Variants in BAHD1 observed in about 807,000 individuals in gnomAD.
BAHD1 encodes bromo adjacent homology domain containing 1, also known as bromo adjacent homology domain-containing 1 protein.
Under a neutral mutation model 63.1 loss-of-function variants are expected in BAHD1, and 20 were observed. That is an observed-to-expected ratio of 0.32 (90% CI 0.22 to 0.46). The LOEUF is 0.46. Among genes scored for constraint, BAHD1 ranks in the 20% least tolerant of loss-of-function variants. The pLI is 1.00. For synonymous variants in BAHD1, 408 were observed against 426.8 expected (o/e 0.96, Z 0.54); for missense variants, 939 against 1,071.8 (o/e 0.88, Z 1.73).
At position 40,459,024 on chromosome 15, in the gene BAHD1, C is replaced by A; in HGVS notation, c.560C>A (p.Pro187Gln). The change falls in exon 2 of 7, where the codon CCA becomes CAA. Residue 187 changes from proline (P) to glutamine (Q), a missense_variant. Transcript: ENST00000416165. ...GGGSRDLSPEPAPDEGPRRDG... is the reference protein window; with the variant it reads ...GGGSRDLSPEQAPDEGPRRDG... Reference sequence around the variant, plus strand: ...GGAAGTCGGGACCTGTCTCCAGAGCCAGCACCCGATGAAGGTCCCCGCCGA... The same window carrying A: ...GGAAGTCGGGACCTGTCTCCAGAGCAAGCACCCGATGAAGGTCCCCGCCGA... The A allele has an allele frequency of 6.3e-7, 1 of 1,596,550 alleles. No homozygotes were observed. The highest frequency in any genetic ancestry group is 8.5e-7 in the Non-Finnish European group (1 of 1,169,988).
chr15:40,461,064 A>G lies in BAHD1; in HGVS notation c.1433-848A>G, dbSNP rs552815565. On this transcript the variant is annotated intron_variant, in intron 2 of 6. Transcript: ENST00000416165. ...AATTGAGCACAGACTCCGAAGCCAG[A>G]CTGCCTGGAGTGAAATGTTCTCCCC... 3.9e-5 allele frequency among the ~76,000 whole-genome samples: 6 copies of G among 152,272 alleles called. No homozygotes were observed. In the East Asian group the frequency reaches 5.8e-4, roughly 15 times the overall value.
chr15:40,464,163 GTC>G lies in BAHD1; in HGVS notation c.1975+149_1975+150del, dbSNP rs1002897614. On this transcript the variant is annotated intron_variant, in intron 4 of 6. Coordinates refer to ENST00000416165, the MANE Select transcript of BAHD1 (RefSeq NM_014952.5). Reference sequence around the variant, plus strand: ...AGAGTCTGCCTTCCACTCGGCTGGGGTCTCTCTGCTGCCGAGGGCTGTGGGTG... The same window carrying G: ...AGAGTCTGCCTTCCACTCGGCTGGGGTCTCTGCTGCCGAGGGCTGTGGGTG... 24 of 1,024,244 alleles carry G rather than the reference GTC, an allele frequency of 2.3e-5. No individual in the cohort carries two copies. In the Admixed American group the frequency reaches 6.2e-4, roughly 27 times the overall value. 63.4% of individuals were successfully genotyped at this position (1,024,244 alleles called of 1,614,324 possible).
chr15:40,449,437 A>C lies in BAHD1; in HGVS notation c.-15+8169A>C, dbSNP rs568786692. 2.8e-4 allele frequency among the ~76,000 whole-genome samples: 43 copies of C among 152,140 alleles called. 1 individual carries two copies. The East Asian group carries it at 8.3e-3, about 29-fold the overall frequency. ...TCTGTAGTACTACATTCACTTGCTT[A>C]ATGGTTTAGGGGCAGCCACAGCCAG... On this transcript the variant is annotated intron_variant, in intron 1 of 6. Transcript: ENST00000416165.
At chr15:40,451,301 G>A (rs921971483) in intron 1 of BAHD1, among the ~76,000 whole-genome samples, 18 of 152,222 alleles carry the variant, frequency 1.2e-4, no homozygotes, top group Non-Finnish European at 5.9e-5. Flanking sequence ...CCCTCAGTAA[G>A]TGTCTAAATG....
intron 1 of BAHD1, among the ~76,000 whole-genome samples, chr15:40,447,560 GAATAAATAAATA>G (rs145969802): frequency 0.058 from 8,026 of 138,756 alleles, 483 homozygotes; most frequent in African/African-American, 0.15. Flanking sequence ...TCTGTCTCCA[GAATAAATAAATA>G]AATAAATAAA....
chr15:40,451,145 CAAAAAAAA>C lies in BAHD1; in HGVS notation c.-14-7286_-14-7279del, dbSNP rs397827665. Among the ~76,000 whole-genome samples, 8 of 30,626 alleles carry C rather than the reference CAAAAAAAA, an allele frequency of 2.6e-4. 1 individual carries two copies. Among genetic ancestry groups the C allele is most frequent in the African/African-American group, 3.9e-4 (5 of 12,916 alleles). 20.1% of individuals were successfully genotyped at this position (30,626 alleles called of 152,430 possible). ...GGCAACAAGAGCATAAACTCCATCT[CAAAAAAAA>C]AAAAAAAAAAAAAAAAAAACTTTAG... On this transcript the variant is annotated intron_variant, in intron 1 of 6. Transcript: ENST00000416165.
chr15:40,450,571 T>C (rs1177708776), intron 1 of BAHD1, among the ~76,000 whole-genome samples: 1 of 152,236 alleles, frequency 6.6e-6, no homozygotes, highest in African/African-American at 2.4e-5. Context: ...CTGGTTCTGC[T>C]GAGGCCTGTT....
At chr15:40,457,434 C>T (rs946039410) in intron 1 of BAHD1, among the ~76,000 whole-genome samples, 2 of 152,176 alleles carry the variant, frequency 1.3e-5, no homozygotes, top group African/African-American at 4.8e-5. Flanking sequence ...GAGACCTCTC[C>T]ACCATGGGCC....
At chr15:40,445,524 C>T (rs570247382) in intron 1 of BAHD1, among the ~76,000 whole-genome samples, 2 of 152,240 alleles carry the variant, frequency 1.3e-5, no homozygotes, top group Admixed American at 1.3e-4. Flanking sequence ...CAACATCTGG[C>T]CTCAGCACCC....
At chr15:40,465,141 A>AG (rs940087528) in intron 5 of BAHD1, 194 bp from the exon 6 acceptor site, 12 of 591,082 alleles carry the variant, frequency 2.0e-5, no homozygotes, top group Non-Finnish European at 3.3e-5. Context: ...ATTCTGGAGA[A>AG]GGGGGGGACC....
chr15:40,459,672 A>G lies in BAHD1; in HGVS notation c.1208A>G (p.Lys403Arg), dbSNP rs1399859280. 6.2e-7 allele frequency: 1 copy of G among 1,614,062 alleles called. No homozygotes were observed. Among genetic ancestry groups the G allele is most frequent in the East Asian group, 2.2e-5 (1 of 44,888 alleles). ...CCCTGCCCCATGCTTCCTGAGGGCA[A>G]GCTGTCCCCAGTGGCTGCACCTCAC... is the stretch of plus-strand genomic sequence containing the variant. ...YSPCPMLPEG[K>R]LSPVAAPHEE... is the part of the protein sequence containing the mutation. The change falls in exon 2 of 7, where the codon AAG (lysine) becomes AGG (arginine). Residue 403 changes from lysine (K) to arginine (R), a missense_variant. Lys to Arg is a conservative substitution (Grantham distance 26). Transcript: ENST00000416165.
Position 40,459,247 on chromosome 15 carries a change from G to T in BAHD1, c.783G>T (p.Trp261Cys). The T allele has an allele frequency of 6.2e-7, 1 of 1,612,464 alleles. No homozygotes were observed. Among genetic ancestry groups the T allele is most frequent in the Non-Finnish European group, 8.5e-7 (1 of 1,179,618 alleles). ...KVNGKNYPKA[W>C]QGASSGEAAG... is the part of the protein sequence containing the mutation. Reference sequence around the variant, plus strand: ...ATGGCAAGAACTATCCCAAGGCTTGGCAGGGGGCCAGCTCTGGGGAGGCTG... The same window carrying T: ...ATGGCAAGAACTATCCCAAGGCTTGTCAGGGGGCCAGCTCTGGGGAGGCTG... The change falls in exon 2 of 7, where the codon TGG becomes TGT. Residue 261 changes from tryptophan (W) to cysteine (C), a missense_variant. Physicochemically the swap from Trp to Cys is radical, Grantham distance 215. Transcript: ENST00000416165.
Position 40,462,302 on chromosome 15 carries a change from C to A in BAHD1, c.1815+8C>A. 6.3e-7 allele frequency: 1 copy of A among 1,592,746 alleles called. No individual in the cohort carries two copies. Among genetic ancestry groups the A allele is most frequent in the Non-Finnish European group, 8.6e-7 (1 of 1,166,322 alleles). Reference sequence around the variant, plus strand: ...AAGGCTGTGTATGTCTTGGTAAGTGCTAGCTCTTAGCTGATGACGAGAGGG... The same window carrying A: ...AAGGCTGTGTATGTCTTGGTAAGTGATAGCTCTTAGCTGATGACGAGAGGG... On this transcript the variant is annotated splice_region_variant and intron_variant, in intron 3 of 6. Transcript: ENST00000416165.
chr15:40,459,742 C>T lies in BAHD1; in HGVS notation c.1278C>T (p.Thr426=), dbSNP rs200967955. The T allele has an allele frequency of 1.2e-6, 2 of 1,614,014 alleles. No homozygotes were observed. The highest frequency in any genetic ancestry group is 2.2e-5 in the East Asian group (1 of 44,884). Residue 426 remains threonine, a synonymous_variant, in exon 2 of 7, where the codon ACC becomes ACT. Transcript: ENST00000416165. ...LLAPSSVPSG[T]PFQHPPWGSS... is the part of the protein sequence containing the mutation. ...CTCCGAGCTCAGTGCCCTCAGGCAC[C>T]CCTTTCCAGCACCCTCCCTGGGGCT...
intron 3 of BAHD1, 88 bp downstream of exon 3, chr15:40,462,382 G>C: frequency 3.4e-6 from 5 of 1,462,190 alleles, no homozygotes; most frequent in Non-Finnish European, 4.6e-6. Flanking sequence ...GAAGCACCTG[G>C]TTCTAGCTAC....
At chr15:40,464,924 A>G in intron 5 of BAHD1, 2 of 381,638 alleles carry the variant, frequency 5.2e-6, no homozygotes, top group Non-Finnish European at 9.7e-6. Flanking sequence ...GACTCCTCCT[A>G]ACACCCCATA....
chr15:40,446,201 C>T (rs1379252838), intron 1 of BAHD1, among the ~76,000 whole-genome samples: 1 of 152,216 alleles, frequency 6.6e-6, no homozygotes, highest in African/African-American at 2.4e-5. Flanking sequence ...CCCCTGCCCA[C>T]CTCCTGGTAC....
chr15:40,442,078 C>A (rs915005962), intron 1 of BAHD1, among the ~76,000 whole-genome samples: 1 of 152,144 alleles, frequency 6.6e-6, no homozygotes, highest in Non-Finnish European at 1.5e-5. Flanking sequence ...ACAGCGGGAC[C>A]CTGTGCTCGC....
intron 1 of BAHD1, among the ~76,000 whole-genome samples, chr15:40,443,931 C>T (rs1893469002): frequency 6.6e-6 from 1 of 152,176 alleles, no homozygotes; most frequent in Non-Finnish European, 1.5e-5. Flanking sequence ...GCTCCCCTTC[C>T]TTTACTCCCA....
Sources: allele counts gnomAD v4.1 joint callset (sites outside exome capture counted in the v4.1 genomes callset), GRCh38; gene constraint gnomAD v4.1.1; transcripts MANE v1.5; gene names NCBI Gene and HGNC (gene_info 2026-07-23, HGNC 2026-07-21).